TRIP11: variants seen among roughly 807,000 people sequenced by gnomAD.
The protein encoded by TRIP11 is thyroid receptor-interacting protein 11.
In TRIP11, 148 loss-of-function variants were observed where a neutral mutation model predicts 223.1. The observed-to-expected ratio is 0.66, with a 90% CI of 0.58 to 0.76. The LOEUF (loss-of-function observed/expected upper bound fraction) is 0.76, where lower values mean the gene tolerates loss of function less well. Among genes scored for constraint, TRIP11 ranks in the 30% least tolerant of loss-of-function variants. The pLI, the probability that TRIP11 is intolerant of heterozygous loss-of-function variation, is 0.00. For synonymous variants in TRIP11, 762 were observed against 772.6 expected (o/e 0.99, Z 0.23); for missense variants, 2,043 against 2,222.0 (o/e 0.92, Z 1.62).
intron 16 of TRIP11, among the ~76,000 whole-genome samples, chr14:91,982,692 T>C (rs964217758): frequency 6.6e-6 from 1 of 152,216 alleles, no homozygotes; most frequent in Non-Finnish European, 1.5e-5. Flanking sequence ...TCTGAAGACA[T>C]GGCAACACTG....
rs531870238 is a variant in TRIP11, at chr14:92,024,587, G to T, written c.312+723C>A. 1.1e-4 allele frequency among the ~76,000 whole-genome samples: 16 copies of T among 152,142 alleles called. No homozygotes were observed. The South Asian group carries it at 2.3e-3, about 22-fold the overall frequency. ...TCACTAAAGGAACTAGAAAGCATAGGAATTAGAAAGCATGACACCTAAATT... is the reference window on the plus strand; with the variant it reads ...TCACTAAAGGAACTAGAAAGCATAGTAATTAGAAAGCATGACACCTAAATT... On this transcript the variant is annotated intron_variant, in intron 3 of 20. Coordinates refer to ENST00000267622, the MANE Select transcript of TRIP11 (RefSeq NM_004239.4).
intron 7 of TRIP11, 141 bp downstream of exon 7, chr14:92,014,074 A>G: frequency 8.1e-7 from 1 of 1,234,980 alleles, no homozygotes; most frequent in Non-Finnish European, 1.1e-6. Flanking sequence ...TCCAAACCAC[A>G]CAATTCTACC....
In TRIP11 at chr14:92,002,970, C is replaced by T. The variant is rs1566857675; in HGVS notation, c.4557+449G>A. 2.6e-5 allele frequency among the ~76,000 whole-genome samples: 4 copies of T among 152,194 alleles called. No individual in the cohort carries two copies. The East Asian group carries it at 5.8e-4, about 22-fold the overall frequency. On this transcript the variant is annotated intron_variant, in intron 11 of 20. Transcript: ENST00000267622. ...TCAGTTAGACACACACGCACACACA[C>T]ATACATACTCTTACTGTGTCACAAC... is the stretch of plus-strand genomic sequence containing the variant.
rs545052786 is a variant in TRIP11, at chr14:92,009,056, T to C, written c.1315-1204A>G. On this transcript the variant is annotated intron_variant, in intron 9 of 20. Coordinates refer to ENST00000267622, the MANE Select transcript of TRIP11 (RefSeq NM_004239.4). ...CTTATTTCCTTCTAATTCAAAAATT[T>C]ATTCTAACTACAGCTGAAAGATGGA... 3.9e-5 allele frequency among the ~76,000 whole-genome samples: 6 copies of C among 152,326 alleles called. No homozygotes were observed. In the East Asian group the frequency reaches 1.2e-3, roughly 29 times the overall value.
intron 3 of TRIP11, 139 bp downstream of exon 3, chr14:92,025,171 C>T (rs2057165469): frequency 1.4e-6 from 1 of 693,594 alleles, no homozygotes. Flanking sequence ...GGATATCAAA[C>T]TGAGTCGAAA....
chr14:92,004,724 A>C lies in TRIP11; in HGVS notation c.3252T>G (p.Val1084=), dbSNP rs2056875429. ...RISSTSHTQD[V]VYLQQQLQAY... ...CCTGCAGTTGCTGTTGAAGGTAAAC[A>C]ACATCTTGAGTATGGGAAGTTGAAG... The change falls in exon 11 of 21, where the codon GTT becomes GTG. Residue 1084 remains valine (V), a synonymous_variant. Coordinates refer to ENST00000267622, the MANE Select transcript of TRIP11 (RefSeq NM_004239.4). 6.2e-7 allele frequency: 1 copy of C among 1,614,206 alleles called. No individual in the cohort carries two copies. Among genetic ancestry groups the C allele is most frequent in the Non-Finnish European group, 8.5e-7 (1 of 1,180,030 alleles).
chr14:91,981,312 G>A (rs988700959), intron 16 of TRIP11, among the ~76,000 whole-genome samples: 3 of 149,024 alleles, frequency 2.0e-5, no homozygotes, highest in Non-Finnish European at 4.5e-5. Flanking sequence ...CACCGCACCC[G>A]GCCCAAATAA....
intron 15 of TRIP11, among the ~76,000 whole-genome samples, chr14:91,992,704 T>A (rs2056690156): frequency 6.6e-6 from 1 of 151,804 alleles, no homozygotes. Context: ...GGTCAGGAGA[T>A]CGAGACTATC....
chr14:91,994,340 C>T (rs2056720667), intron 14 of TRIP11, among the ~76,000 whole-genome samples: 1 of 150,038 alleles, frequency 6.7e-6, no homozygotes, highest in African/African-American at 2.5e-5. Context: ...GGCTCACTCA[C>T]TGCAACCTCC....
Position 91,995,127 on chromosome 14 carries a change from G to A in TRIP11, c.5056+225C>T, listed in dbSNP as rs567445454. On this transcript the variant is annotated intron_variant, in intron 14 of 20. Transcript: ENST00000267622. ...CAACTCTCATCTCTCACTGGTAATA[G>A]GATACTAAAACAAATTTTTAATAAT... 1.3e-5 allele frequency among the ~76,000 whole-genome samples: 2 copies of A among 152,046 alleles called. 1 individual carries two copies. Among genetic ancestry groups the A allele is most frequent in the South Asian group, 4.2e-4 (2 of 4,808 alleles).
intron 19 of TRIP11, among the ~76,000 whole-genome samples, chr14:91,973,340 T>G (rs1284374187): frequency 6.6e-6 from 1 of 152,146 alleles, no homozygotes; most frequent in Admixed American, 6.5e-5. Flanking sequence ...ACTAGCACTT[T>G]AGATAGATGA....
rs770534000 is a variant in TRIP11 at position 92,021,812 on chromosome 14, T to G, written c.332A>C (p.Lys111Thr). The change falls in exon 4 of 21, where the codon AAA becomes ACA. Residue 111 changes from lysine (K) to threonine (T), a missense_variant. Coordinates refer to ENST00000267622, the MANE Select transcript of TRIP11 (RefSeq NM_004239.4). ...ATCCTGGAGTGCAATCTGTCTGGCT[T>G]TAAGATGGCTGATTTCTACCTATAT... ...QQKEVEISHLKARQIALQDQL... is the reference protein window; with the variant it reads ...QQKEVEISHLTARQIALQDQL... 5 of 1,614,050 alleles carry G rather than the reference T, an allele frequency of 3.1e-6. No homozygotes were observed. The South Asian group carries it at 5.5e-5, about 18-fold the overall frequency.
Position 92,014,537 on chromosome 14 carries a change from A to G in TRIP11, c.864T>C (p.Tyr288=). 6.3e-7 allele frequency: 1 copy of G among 1,599,372 alleles called. No individual in the cohort carries two copies. The highest frequency in any genetic ancestry group is 1.1e-5 in the South Asian group (1 of 87,510). The change falls in exon 7 of 21, where the codon TAT becomes TAC. Residue 288 remains tyrosine, a synonymous_variant. Transcript: ENST00000267622. ...GVIETDLSKI[Y]EMQKTIQVLQ... is the part of the protein sequence containing the mutation. ...GAACTTGAATAGTTTTTTGCATCTC[A>G]TAGATTTTAGAGAGATCAGTTTCTA...
In TRIP11 at chr14:91,968,951, T is replaced by A. The variant is rs2056368113; in HGVS notation, c.*722A>T. The A allele has an allele frequency of 4.4e-6, 1 of 229,450 alleles. No individual in the cohort carries two copies. The highest frequency in any genetic ancestry group is 1.8e-4 in the South Asian group (1 of 5,488). 14.2% of individuals were successfully genotyped at this position (229,450 alleles called of 1,614,324 possible). ...TGTCTTGCCTGTGGTGGTAGTCACA[T>A]GAATTTACACACAGGGCCAGGCGCA... is the stretch of plus-strand genomic sequence containing the variant. On this transcript the variant is annotated 3_prime_UTR_variant, in exon 21 of 21. Transcript: ENST00000267622.
At chr14:92,033,591 G>A (rs2057292488) in intron 1 of TRIP11, among the ~76,000 whole-genome samples, 1 of 152,118 alleles carries the variant, frequency 6.6e-6, no homozygotes. Flanking sequence ...TTTAGATGAA[G>A]CTTACTCAAC....
At chr14:91,972,916 C>T (rs2056417172) in intron 19 of TRIP11, 55 bp from the exon 20 acceptor site, 8 of 1,389,144 alleles carry the variant, frequency 5.8e-6, no homozygotes, top group Non-Finnish European at 6.0e-6. Context: ...ATATTCACTA[C>T]AACTAAGGAA....
chr14:91,993,615 G>T (rs903625494), intron 15 of TRIP11, among the ~76,000 whole-genome samples, 194 bp downstream of exon 15: 1 of 151,288 alleles, frequency 6.6e-6, no homozygotes, highest in South Asian at 2.1e-4. Context: ...TACATTTGCC[G>T]TGTCTACTCT....
At chr14:91,991,538 A>G (rs753823825) in intron 15 of TRIP11, among the ~76,000 whole-genome samples, 3 of 152,228 alleles carry the variant, frequency 2.0e-5, no homozygotes, top group Non-Finnish European at 4.4e-5. Flanking sequence ...CAACCACTTC[A>G]GAAAACAATT....
At chr14:92,017,648 A>G (rs753626793) in intron 5 of TRIP11, 34 bp downstream of exon 5, 15 of 1,529,216 alleles carry the variant, frequency 9.8e-6, no homozygotes, top group Non-Finnish European at 1.2e-5. Flanking sequence ...ATTTAGATGT[A>G]TAACTCCCAT....
Sources: gnomAD v4.1 joint callset for allele counts (sites outside exome capture counted in the v4.1 genomes callset) on GRCh38, gnomAD v4.1.1 for gene constraint, MANE v1.5 for transcripts, NCBI Gene and HGNC (gene_info 2026-07-23, HGNC 2026-07-21) for gene names.